CNGB3: variants seen among roughly 807,000 people sequenced by gnomAD.
The protein encoded by CNGB3 is cyclic nucleotide-gated channel beta-3.
A neutral mutation model predicts 92.8 loss-of-function variants in CNGB3; 86 were observed. That is an observed-to-expected ratio of 0.93 (90% CI 0.78 to 1.11). The LOEUF (loss-of-function observed/expected upper bound fraction) is 1.11, where lower values mean the gene tolerates loss of function less well. Among genes scored for constraint, CNGB3 ranks in the 50% least tolerant of loss-of-function variants. The probability of loss-of-function intolerance (pLI) is 0.00; values close to 1 mark genes in which losing one functional copy is unlikely to be tolerated. For missense variants in CNGB3, 1,026 were observed against 956.8 expected (o/e 1.07, Z -0.95); for synonymous variants, 333 against 332.7 (o/e 1.00, Z -0.01).
intron 3 of CNGB3, among the ~76,000 whole-genome samples, chr8:86,698,755 G>C (rs962143702): frequency 6.6e-6 from 1 of 152,190 alleles, no homozygotes; most frequent in Non-Finnish European, 1.5e-5. Context: ...TTTTCAACGT[G>C]AGAGAGGTGA....
chr8:86,722,409 C>A (rs572047024), intron 3 of CNGB3, among the ~76,000 whole-genome samples: 171 of 152,236 alleles, frequency 1.1e-3, no homozygotes, highest in African/African-American at 4.0e-3. Flanking sequence ...GTAAGTGTTT[C>A]ATTTGACAAG....
At position 86,635,234 on chromosome 8, in the gene CNGB3, C is replaced by T. The variant is rs1000572156; in HGVS notation, c.1179-2341G>A. Among the ~76,000 whole-genome samples the T allele has an allele frequency of 4.0e-5, 6 of 151,850 alleles. No individual in the cohort carries two copies. The East Asian group carries it at 7.7e-4, about 20-fold the overall frequency. On this transcript the variant is annotated intron_variant, in intron 10 of 17. Transcript: ENST00000320005. ...CTATTACCTGATTTATTTTGGTCAC[C>T]GGTTTTGGACCTGTGGGTCTCTTTA...
At chr8:86,739,158 T>C (rs567421169) in intron 2 of CNGB3, among the ~76,000 whole-genome samples, 2 of 152,318 alleles carry the variant, frequency 1.3e-5, no homozygotes, top group South Asian at 4.1e-4. Flanking sequence ...TTTAGAATCA[T>C]CCCTGTAGAA....
At chr8:86,599,925 T>C (rs7845266) in intron 15 of CNGB3, among the ~76,000 whole-genome samples, 14,499 of 152,210 alleles carry the variant, frequency 0.095, 755 homozygotes, top group Non-Finnish European at 0.11. Context: ...ACCCTGTTCA[T>C]ACACTCCCTC....
intron 14 of CNGB3, among the ~76,000 whole-genome samples, chr8:86,608,407 A>G (rs930986042): frequency 6.6e-6 from 1 of 152,224 alleles, no homozygotes; most frequent in Admixed American, 6.5e-5. Context: ...GTGGTCTAGC[A>G]GTAGCAAAAA....
chr8:86,604,059 G>A, intron 15 of CNGB3, 34 bp downstream of exon 15: 1 of 1,328,544 alleles, frequency 7.5e-7, no homozygotes, highest in South Asian at 1.2e-5. Context: ...GACAAATGAT[G>A]GACTTCAATA....
intron 17 of CNGB3, among the ~76,000 whole-genome samples, chr8:86,576,939 T>C (rs1412777823): frequency 1.3e-5 from 2 of 152,222 alleles, no homozygotes; most frequent in Admixed American, 6.5e-5. Context: ...CAAGTTTTCA[T>C]CTTTTGTATG....
chr8:86,597,926 C>T (rs936099662), intron 15 of CNGB3, among the ~76,000 whole-genome samples: 5 of 151,630 alleles, frequency 3.3e-5, no homozygotes, highest in South Asian at 2.1e-4. Flanking sequence ...TGCAGTCAGC[C>T]GAGATGGTGC....
intron 1 of CNGB3, among the ~76,000 whole-genome samples, chr8:86,743,208 T>G (rs1586047793): frequency 6.6e-6 from 1 of 152,208 alleles, no homozygotes; most frequent in African/African-American, 2.4e-5. Context: ...ACCAATTTAA[T>G]ATTTGAGAAA....
rs200046862 is a variant in CNGB3, at chr8:86,590,353, G to A, written c.1782-11101C>T. On this transcript the variant is annotated intron_variant, in intron 15 of 17. Transcript: ENST00000320005. Reference sequence around the variant, plus strand: ...AGTCCATTTACATTTAAAGTTAATAGTGTTATGTGTGAATTTGATCCTGTC... The same window carrying A: ...AGTCCATTTACATTTAAAGTTAATAATGTTATGTGTGAATTTGATCCTGTC... Among the ~76,000 whole-genome samples the A allele has an allele frequency of 7.9e-5, 12 of 152,084 alleles. No homozygotes were observed. The South Asian group carries it at 2.5e-3, about 32-fold the overall frequency.
At chr8:86,658,979 T>C (rs1172577409) in intron 6 of CNGB3, 10 of 1,088,106 alleles carry the variant, frequency 9.2e-6, no homozygotes, top group Admixed American at 8.7e-5. Context: ...GCACCTGGGC[T>C]TGGAGCTGTC....
intron 1 of CNGB3, among the ~76,000 whole-genome samples, chr8:86,741,224 G>A (rs1399548539): frequency 6.6e-6 from 1 of 152,196 alleles, no homozygotes; most frequent in Middle Eastern, 3.4e-3. Flanking sequence ...ATTTTGAAAG[G>A]TCGAATTCCG....
chr8:86,732,905 T>A (rs1184134964), intron 2 of CNGB3, among the ~76,000 whole-genome samples: 1 of 152,214 alleles, frequency 6.6e-6, no homozygotes, highest in Non-Finnish European at 1.5e-5. Flanking sequence ...GTTTTTATTT[T>A]AGATTCAGGG....
chr8:86,710,149 CCA>C (rs1472367429), intron 3 of CNGB3, among the ~76,000 whole-genome samples: 2 of 152,168 alleles, frequency 1.3e-5, no homozygotes. Context: ...AACCTGGCCA[CCA>C]CAGATTAGCT....
intron 14 of CNGB3, among the ~76,000 whole-genome samples, chr8:86,604,432 G>A (rs1286213991): frequency 6.6e-6 from 1 of 152,158 alleles, no homozygotes; most frequent in Admixed American, 6.6e-5. Context: ...CTCAACACGT[G>A]AGTACTGTTT....
chr8:86,630,840 C>A (rs1432027097), intron 11 of CNGB3, among the ~76,000 whole-genome samples: 5 of 152,140 alleles, frequency 3.3e-5, no homozygotes, highest in African/African-American at 1.2e-4. Context: ...AGCCACTACA[C>A]CCTAGCCTGG....
intron 3 of CNGB3, 45 bp from the exon 4 acceptor site, chr8:86,671,143 A>G: frequency 6.2e-7 from 1 of 1,601,628 alleles, no homozygotes; most frequent in South Asian, 1.1e-5. Flanking sequence ...CCATGAAGAA[A>G]TAGATATAAG....
intron 8 of CNGB3, among the ~76,000 whole-genome samples, chr8:86,647,562 A>G (rs1323005197): frequency 6.6e-6 from 1 of 151,044 alleles, no homozygotes; most frequent in Non-Finnish European, 1.5e-5. Flanking sequence ...GATTATAAAA[A>G]CATCTGTTAT....
chr8:86,727,187 T>A (rs1825075641), intron 2 of CNGB3, among the ~76,000 whole-genome samples: 2 of 152,224 alleles, frequency 1.3e-5, no homozygotes. Flanking sequence ...AATATCTTTA[T>A]GCAGCACATG....
Sources: gnomAD v4.1 joint callset for allele counts (sites outside exome capture counted in the v4.1 genomes callset) on GRCh38, gnomAD v4.1.1 for gene constraint, MANE v1.5 for transcripts, NCBI Gene and HGNC (gene_info 2026-07-23, HGNC 2026-07-21) for gene names.